CLSTN2: variants seen among roughly 807,000 people sequenced by gnomAD.
CLSTN2 encodes the protein calsyntenin 2.
Under a neutral mutation model 101.2 loss-of-function variants are expected in CLSTN2, and 48 were observed. The ratio of observed to expected loss-of-function variants is 0.47; its 90% confidence interval spans 0.38 to 0.60. The LOEUF (loss-of-function observed/expected upper bound fraction) is 0.60, where lower values mean the gene tolerates loss of function less well. CLSTN2 is among the 20% of genes least tolerant of loss of function. The pLI is 0.00. For synonymous variants in CLSTN2, 481 were observed against 463.6 expected, an observed-to-expected ratio of 1.04 and a Z score of -0.48; for missense variants, 1,160 against 1,238.2, an observed-to-expected ratio of 0.94 and a Z score of 0.95.
intron 1 of CLSTN2, among the ~76,000 whole-genome samples, chr3:139,969,977 G>A (rs1375699482): frequency 1.3e-5 from 2 of 152,154 alleles, no homozygotes; most frequent in African/African-American, 4.8e-5. Context: ...CACCTGCTTT[G>A]GAGTCATAAA....
intron 2 of CLSTN2, among the ~76,000 whole-genome samples, chr3:140,218,317 T>C (rs1206326183): frequency 6.6e-6 from 1 of 152,206 alleles, no homozygotes; most frequent in African/African-American, 2.4e-5. Context: ...GATGCAACCT[T>C]ACCTATCCCT....
At chr3:140,305,599 A>G (rs1275873969) in intron 2 of CLSTN2, among the ~76,000 whole-genome samples, 1 of 152,078 alleles carries the variant, frequency 6.6e-6, no homozygotes, top group Non-Finnish European at 1.5e-5. Flanking sequence ...TGTTGAGCTC[A>G]CCTTTCCATC....
At chr3:140,121,393 T>C (rs1411707946) in intron 1 of CLSTN2, among the ~76,000 whole-genome samples, 1 of 152,164 alleles carries the variant, frequency 6.6e-6, no homozygotes, top group Non-Finnish European at 1.5e-5. Context: ...GAGTTTTCTG[T>C]TGCTGGCTGG....
At chr3:140,302,462 G>T (rs1381172099) in intron 2 of CLSTN2, among the ~76,000 whole-genome samples, 1 of 152,132 alleles carries the variant, frequency 6.6e-6, no homozygotes, top group Non-Finnish European at 1.5e-5. Context: ...TTAATGAAAA[G>T]AAATCCAATT....
chr3:140,520,032 C>G (rs748856046), intron 8 of CLSTN2, among the ~76,000 whole-genome samples: 3 of 152,132 alleles, frequency 2.0e-5, no homozygotes, highest in Admixed American at 1.3e-4. Flanking sequence ...CATTTGCTTG[C>G]CTGAAAAGGA....
chr3:140,248,834 G>A (rs977982923), intron 2 of CLSTN2, among the ~76,000 whole-genome samples: 1 of 152,150 alleles, frequency 6.6e-6, no homozygotes, highest in African/African-American at 2.4e-5. Context: ...TTCAAGTCAG[G>A]TTTCAAACTC....
In CLSTN2 at chr3:139,935,957, G is replaced by A. The variant is rs1380966654; in HGVS notation, c.109+474G>A. Among the ~76,000 whole-genome samples the A allele has an allele frequency of 2.0e-5, 3 of 152,024 alleles. No individual in the cohort carries two copies. The highest frequency in any genetic ancestry group is 4.8e-5 in the African/African-American group (2 of 41,406). The stretch of plus-strand genomic sequence containing the variant: ...GTGGAAACTTGTAGGCTCCAGGGAA[G>A]GCCCCGCTGACACTCCTCAAGCTCC... On this transcript the variant is annotated intron_variant, in intron 1 of 16. Coordinates refer to ENST00000458420, the MANE Select transcript of CLSTN2 (RefSeq NM_022131.3). This position sits in a 1 kb window ranked among gnomAD's most constrained non-coding sequence, Gnocchi z 5.5.
intron 1 of CLSTN2, among the ~76,000 whole-genome samples, chr3:139,959,071 CT>C (rs1251227570): frequency 6.6e-6 from 1 of 152,004 alleles, no homozygotes; most frequent in Non-Finnish European, 1.5e-5. Context: ...TCCCCTGTGT[CT>C]TTCTCTACCT....
chr3:140,327,945 GA>G (rs2087347282), intron 2 of CLSTN2, among the ~76,000 whole-genome samples: 1 of 152,198 alleles, frequency 6.6e-6, no homozygotes, highest in Non-Finnish European at 1.5e-5. Context: ...GTGGGGTTGG[GA>G]AACCTGGAGC....
At chr3:140,174,162 A>G (rs546914152) in intron 1 of CLSTN2, among the ~76,000 whole-genome samples, 29 of 152,262 alleles carry the variant, frequency 1.9e-4, no homozygotes, top group African/African-American at 5.5e-4. Flanking sequence ...CTGCTTAGAA[A>G]TTTCTTCCAC....
At chr3:139,945,505 T>C (rs1935201980) in intron 1 of CLSTN2, among the ~76,000 whole-genome samples, 1 of 152,250 alleles carries the variant, frequency 6.6e-6, no homozygotes, top group South Asian at 2.1e-4. Flanking sequence ...TAGTTAATTA[T>C]ATTTTCAGGA....
At chr3:140,490,082 G>GCA (rs1934317735) in intron 8 of CLSTN2, among the ~76,000 whole-genome samples, 5 of 7,110 alleles carry the variant, frequency 7.0e-4, no homozygotes, top group South Asian at 6.3e-3. Flanking sequence ...GTGTGTGTGT[G>GCA]TGTGTGTATA....
intron 1 of CLSTN2, among the ~76,000 whole-genome samples, chr3:139,947,913 C>G (rs1420640788): frequency 6.6e-6 from 1 of 151,748 alleles, no homozygotes; most frequent in Non-Finnish European, 1.5e-5. Context: ...AAATTAAATT[C>G]CAGTCTTCCT....
Position 140,153,868 on chromosome 3 carries a change from G to A in CLSTN2, c.110-22083G>A, listed in dbSNP as rs138227844. ...AGGGAGCACAGCTGAGTCAGGAAGG[G>A]GATCTACAAGAAGAGAGCTCATGTC... On this transcript the variant is annotated intron_variant, in intron 1 of 16. Transcript: ENST00000458420. 4.8e-3 allele frequency among the ~76,000 whole-genome samples: 727 copies of A among 152,188 alleles called. 13 individuals are homozygous for A. Among genetic ancestry groups the A allele is most frequent in the East Asian group, 8.3e-3 (43 of 5,162 alleles).
intron 1 of CLSTN2, among the ~76,000 whole-genome samples, chr3:140,034,187 T>C (rs2007611596): frequency 6.6e-6 from 1 of 152,212 alleles, no homozygotes. Flanking sequence ...TAGAAATTAA[T>C]AAGTAATTTT....
chr3:140,174,395 A>G lies in CLSTN2; in HGVS notation c.110-1556A>G, dbSNP rs563015382. Reference sequence around the variant, plus strand: ...TTCAACAAGTCTCTAGGAAGTTTCAAACTTTCCCACATTTTCCTGTCTTCT... The same window carrying G: ...TTCAACAAGTCTCTAGGAAGTTTCAGACTTTCCCACATTTTCCTGTCTTCT... On this transcript the variant is annotated intron_variant, in intron 1 of 16. Transcript: ENST00000458420. 4.6e-5 allele frequency among the ~76,000 whole-genome samples: 7 copies of G among 152,288 alleles called. No individual in the cohort carries two copies. In the South Asian group the frequency reaches 1.2e-3, roughly 27 times the overall value.
At chr3:140,400,367 A>C (rs991533327) in intron 2 of CLSTN2, among the ~76,000 whole-genome samples, 3 of 152,320 alleles carry the variant, frequency 2.0e-5, no homozygotes. Context: ...TTGTCCCATC[A>C]GACTTTATTC....
At chr3:140,526,066 G>A (rs1935131268) in intron 8 of CLSTN2, among the ~76,000 whole-genome samples, 1 of 152,162 alleles carries the variant, frequency 6.6e-6, no homozygotes, top group African/African-American at 2.4e-5. Flanking sequence ...GGTAGTGGAA[G>A]TCCTAGTCAG....
intron 2 of CLSTN2, among the ~76,000 whole-genome samples, chr3:140,356,760 A>AG: frequency 6.6e-6 from 1 of 151,064 alleles, no homozygotes; most frequent in Non-Finnish European, 1.5e-5. Context: ...TTGTCTCAAA[A>AG]AAAAAAAAAA....
Sources: allele counts gnomAD v4.1 joint callset (sites outside exome capture counted in the v4.1 genomes callset), GRCh38; gene constraint gnomAD v4.1.1; non-coding constraint Gnocchi (gnomAD v3.1); transcripts MANE v1.5; gene names NCBI Gene and HGNC (gene_info 2026-07-23, HGNC 2026-07-21).